Variants in DLGAP2 observed in about 807,000 individuals in gnomAD.
DLGAP2 encodes the protein DLG associated protein 2.
Under a neutral mutation model 100.3 loss-of-function variants are expected in DLGAP2, and 26 were observed. The observed-to-expected ratio is 0.26, with a 90% confidence interval of 0.19 to 0.36. DLGAP2 has a LOEUF of 0.36. Among genes scored for constraint, DLGAP2 ranks in the 10% least tolerant of loss-of-function variants. DLGAP2 has a pLI of 1.00. For missense variants in DLGAP2, 1,858 were observed against 1,453.2 expected, an observed-to-expected ratio of 1.28 and a Z score of -4.53; for synonymous variants, 886 against 630.1, an observed-to-expected ratio of 1.41 and a Z score of -6.08.
chr8:1,229,704 G>A (rs777280856), intron 2 of DLGAP2, among the ~76,000 whole-genome samples: 2 of 152,110 alleles, frequency 1.3e-5, no homozygotes, highest in Non-Finnish European at 2.9e-5. Context: ...GGGATGCAAG[G>A]TTGGTTCAGT....
At chr8:1,679,871 T>A (rs948809482) in intron 12 of DLGAP2, among the ~76,000 whole-genome samples, 7 of 150,042 alleles carry the variant, frequency 4.7e-5, no homozygotes, top group Admixed American at 1.3e-4. Flanking sequence ...TCCTAGCTAT[T>A]TGGGAGGCTG....
chr8:1,021,347 C>A (rs928748030), intron 2 of DLGAP2, among the ~76,000 whole-genome samples: 9 of 152,152 alleles, frequency 5.9e-5, no homozygotes, highest in African/African-American at 2.2e-4. Flanking sequence ...TGACCCATTT[C>A]ATTCCCTGAG....
intron 3 of DLGAP2, among the ~76,000 whole-genome samples, chr8:1,292,567 A>T (rs962552859): frequency 6.6e-6 from 1 of 152,228 alleles, no homozygotes; most frequent in African/African-American, 2.4e-5. Context: ...TATATGTGGT[A>T]TAATTTTATT....
intron 2 of DLGAP2, among the ~76,000 whole-genome samples, chr8:1,101,262 A>C (rs12546788): frequency 8.8e-4 from 134 of 152,214 alleles, no homozygotes; most frequent in South Asian, 3.5e-3. Context: ...ACAAAGGCTC[A>C]CTCACCAACA....
chr8:1,460,975 T>C (rs1798454699), intron 3 of DLGAP2, among the ~76,000 whole-genome samples: 1 of 152,236 alleles, frequency 6.6e-6, no homozygotes, highest in South Asian at 2.1e-4. Context: ...TTGGAAAGCC[T>C]GGCCTGGGTT....
At chr8:761,266 C>T (rs141367783) in intron 1 of DLGAP2, among the ~76,000 whole-genome samples, 174 of 152,292 alleles carry the variant, frequency 1.1e-3, no homozygotes, top group African/African-American at 4.0e-3. Flanking sequence ...TCCACCCACG[C>T]CTTCCATCTC....
intron 2 of DLGAP2, among the ~76,000 whole-genome samples, chr8:1,202,706 C>T (rs1244443628): frequency 2.0e-5 from 3 of 152,174 alleles, no homozygotes; most frequent in African/African-American, 7.2e-5. Context: ...AGGATCCCTA[C>T]TGCCCAACGC....
chr8:1,177,927 C>T (rs1585125525), intron 2 of DLGAP2, among the ~76,000 whole-genome samples: 1 of 152,240 alleles, frequency 6.6e-6, no homozygotes, highest in African/African-American at 2.4e-5. Flanking sequence ...CCAGCAAAGC[C>T]TTCAGGAAGC....
At chr8:1,442,796 G>A (rs1199803767) in intron 3 of DLGAP2, among the ~76,000 whole-genome samples, 12 of 149,422 alleles carry the variant, frequency 8.0e-5, no homozygotes, top group Non-Finnish European at 1.8e-4. Context: ...GCTGCTGGGG[G>A]TTCAGCCACT....
At position 1,088,455 on chromosome 8, in the gene DLGAP2, C is replaced by T. The variant is rs1024914495; in HGVS notation, c.74-170396C>T. On this transcript the variant is annotated intron_variant, in intron 2 of 14. Transcript: ENST00000637795. ...TATGGCAGTTGACCAGTAACACTGC[C>T]GGAAATTCAGAAAACAGCTGAATTT... Among the ~76,000 whole-genome samples, 10 of 152,210 alleles carry T rather than the reference C, an allele frequency of 6.6e-5. No homozygotes were observed. The East Asian group carries it at 9.7e-4, about 15-fold the overall frequency.
At chr8:1,568,782 C>T (rs1426020776) in intron 6 of DLGAP2, among the ~76,000 whole-genome samples, 2 of 134,166 alleles carry the variant, frequency 1.5e-5, no homozygotes, top group South Asian at 2.6e-4. Flanking sequence ...GACACAAATC[C>T]GTCTCTGCCC....
chr8:745,553 A>G (rs1820598160), intron 1 of DLGAP2, among the ~76,000 whole-genome samples: 1 of 152,216 alleles, frequency 6.6e-6, no homozygotes, highest in Admixed American at 6.5e-5. Flanking sequence ...TCTTCTTTAC[A>G]TGTAACTATC....
At chr8:1,143,564 C>G (rs1419990603) in intron 2 of DLGAP2, among the ~76,000 whole-genome samples, 6 of 152,186 alleles carry the variant, frequency 3.9e-5, no homozygotes, top group African/African-American at 1.2e-4. Context: ...GGTCAGCGCT[C>G]AGGACTCAGC....
chr8:965,508 A>G (rs1480570493), intron 2 of DLGAP2, among the ~76,000 whole-genome samples: 12 of 116,790 alleles, frequency 1.0e-4, no homozygotes, highest in African/African-American at 4.5e-4. Flanking sequence ...AGGGCTCCTG[A>G]GTCTGACCCC....
intron 2 of DLGAP2, among the ~76,000 whole-genome samples, chr8:1,071,874 G>A: frequency 6.6e-6 from 1 of 152,232 alleles, no homozygotes; most frequent in East Asian, 1.9e-4. Flanking sequence ...ACCTGGCCCT[G>A]CAAGCTGCAG....
At chr8:1,535,903 G>T (rs1490819260) in intron 4 of DLGAP2, among the ~76,000 whole-genome samples, 1 of 152,198 alleles carries the variant, frequency 6.6e-6, no homozygotes, top group Non-Finnish European at 1.5e-5. Context: ...GGATGGTGTT[G>T]GTGGTCAGCC....
At chr8:1,301,778 C>G (rs938789935) in intron 3 of DLGAP2, 5 of 152,362 alleles carry the variant, frequency 3.3e-5, no homozygotes, top group African/African-American at 9.7e-5. Flanking sequence ...GCACCCCTCC[C>G]CTTCCCACGG....
intron 2 of DLGAP2, among the ~76,000 whole-genome samples, chr8:1,254,806 A>C (rs1298447105): frequency 6.7e-6 from 1 of 149,394 alleles, no homozygotes; most frequent in East Asian, 2.0e-4. Context: ...CACGCAGTTC[A>C]CTGCGCTCCC....
rs1358323079 is a variant in DLGAP2, at chr8:1,703,365, C to T, written c.*1959C>T. On this transcript the variant is annotated 3_prime_UTR_variant, in exon 15 of 15. Transcript: ENST00000637795. ...TCCTATTTCCCCAGAGTGTTCAAGG[C>T]ATTTTTCTACCTAAATGAATACCTA... is the stretch of plus-strand genomic sequence containing the variant. 2 of 152,366 alleles carry T rather than the reference C, an allele frequency of 1.3e-5. No homozygotes were observed. Among genetic ancestry groups the T allele is most frequent in the Non-Finnish European group, 2.9e-5 (2 of 68,004 alleles). The allele number at this position is 152,366 out of a possible 1,614,324, so 9.4% of individuals were successfully genotyped here.
Sources: gnomAD v4.1 joint callset for allele counts (sites outside exome capture counted in the v4.1 genomes callset) on GRCh38, gnomAD v4.1.1 for gene constraint, MANE v1.5 for transcripts, NCBI Gene and HGNC (gene_info 2026-07-23, HGNC 2026-07-21) for gene names.